Variants in PDE3A observed in about 807,000 individuals in gnomAD.
The protein encoded by PDE3A is phosphodiesterase 3A, also known as cGMP-inhibited 3',5'-cyclic phosphodiesterase 3A.
In PDE3A, 43 loss-of-function variants were observed where a neutral mutation model predicts 98.3. That is an observed-to-expected ratio of 0.44 (90% CI 0.34 to 0.56). The LOEUF (loss-of-function observed/expected upper bound fraction) is 0.56, where lower values mean the gene tolerates loss of function less well. PDE3A is among the 20% of genes least tolerant of loss of function. PDE3A has a pLI of 0.01. For missense variants in PDE3A, 1,427 were observed against 1,440.7 expected, an observed-to-expected ratio of 0.99 and a Z score of 0.15; for synonymous variants, 663 against 567.9, an observed-to-expected ratio of 1.17 and a Z score of -2.38.
At chr12:20,483,033 C>A (rs961285950) in intron 1 of PDE3A, among the ~76,000 whole-genome samples, 3 of 152,038 alleles carry the variant, frequency 2.0e-5, no homozygotes, top group African/African-American at 7.2e-5. Flanking sequence ...TTTTCCTAGA[C>A]ATCCTTTTTT....
chr12:20,592,361 C>T (rs577338983), intron 2 of PDE3A, among the ~76,000 whole-genome samples: 3 of 152,264 alleles, frequency 2.0e-5, no homozygotes, highest in African/African-American at 7.2e-5. Flanking sequence ...TATAAATTGT[C>T]ATCCTGCAGT....
rs538109945 is a variant in PDE3A, at chr12:20,410,890, T to C, written c.960+40646T>C. ...AAAATAAAAGCCAACATATTTCCTGTTCTGTCCACAGAGCCCTTATCTCTT... is the reference window on the plus strand; with the variant it reads ...AAAATAAAAGCCAACATATTTCCTGCTCTGTCCACAGAGCCCTTATCTCTT... On this transcript the variant is annotated intron_variant, in intron 1 of 15. Transcript: ENST00000359062. Among the ~76,000 whole-genome samples the C allele has an allele frequency of 2.6e-4, 40 of 152,330 alleles. No individual in the cohort carries two copies. The South Asian group carries it at 7.7e-3, about 29-fold the overall frequency.
intron 1 of PDE3A, among the ~76,000 whole-genome samples, chr12:20,443,324 G>A (rs1469808873): frequency 6.6e-6 from 1 of 152,024 alleles, no homozygotes; most frequent in Non-Finnish European, 1.5e-5. Context: ...TCCTAACTTG[G>A]ATATAGGAGC....
intron 1 of PDE3A, among the ~76,000 whole-genome samples, chr12:20,440,513 TACA>T (rs1299635090): frequency 6.6e-6 from 1 of 152,174 alleles, no homozygotes; most frequent in Non-Finnish European, 1.5e-5. Flanking sequence ...ATGATCAAAC[TACA>T]GGGGCCAAGT....
At chr12:20,527,769 C>G (rs928085230) in intron 1 of PDE3A, among the ~76,000 whole-genome samples, 3 of 152,176 alleles carry the variant, frequency 2.0e-5, no homozygotes, top group Non-Finnish European at 4.4e-5. Flanking sequence ...TATACTGGCA[C>G]TCTTTGATGT....
At chr12:20,410,230 C>T (rs1944308656) in intron 1 of PDE3A, among the ~76,000 whole-genome samples, 1 of 152,122 alleles carries the variant, frequency 6.6e-6, no homozygotes, top group South Asian at 2.1e-4. Context: ...TCAGGGAAGC[C>T]ACACTTGTTT....
rs144243379 is a variant in PDE3A at position 20,631,375 on chromosome 12, C to T, written c.1760+1248C>T. Among the ~76,000 whole-genome samples, 91 of 152,266 alleles carry T rather than the reference C, an allele frequency of 6.0e-4. No homozygotes were observed. In the East Asian group the frequency reaches 9.8e-3, roughly 16 times the overall value. ...CTCTGAGAAGCTCTGTTAAAAGAAT[C>T]CCTCTTTATTTATTTTTGTTGTTTC... On this transcript the variant is annotated intron_variant, in intron 6 of 15. Coordinates refer to ENST00000359062, the MANE Select transcript of PDE3A (RefSeq NM_000921.5).
chr12:20,409,854 C>G (rs985867572), intron 1 of PDE3A, among the ~76,000 whole-genome samples: 1 of 152,120 alleles, frequency 6.6e-6, no homozygotes, highest in East Asian at 1.9e-4. Context: ...TCAGCAAATT[C>G]CTTAGCTTTT....
intron 10 of PDE3A, among the ~76,000 whole-genome samples, chr12:20,643,966 A>G (rs1309735310): frequency 6.6e-6 from 1 of 152,046 alleles, no homozygotes; most frequent in Non-Finnish European, 1.5e-5. Context: ...TCAATTCCTT[A>G]CCCCAAACAG....
At chr12:20,560,651 A>C (rs746289015) in intron 2 of PDE3A, among the ~76,000 whole-genome samples, 19 of 152,106 alleles carry the variant, frequency 1.2e-4, no homozygotes, top group Non-Finnish European at 2.5e-4. Context: ...TTACTTACTT[A>C]TTTGTTTATT....
At chr12:20,468,859 C>T (rs1945388687) in intron 1 of PDE3A, among the ~76,000 whole-genome samples, 1 of 152,162 alleles carries the variant, frequency 6.6e-6, no homozygotes, top group Non-Finnish European at 1.5e-5. Flanking sequence ...AATATATTTT[C>T]TGGCAGGAGT....
intron 9 of PDE3A, among the ~76,000 whole-genome samples, chr12:20,638,990 G>A (rs888227913): frequency 1.3e-5 from 2 of 151,942 alleles, no homozygotes; most frequent in Admixed American, 6.6e-5. Flanking sequence ...AGAAGCCTAG[G>A]GCTTTTACAT....
Position 20,613,667 on chromosome 12 carries a change from G to A in PDE3A, c.1236G>A (p.Glu412=). The A allele has an allele frequency of 6.2e-7, 1 of 1,613,970 alleles. No homozygotes were observed. Residue 412 remains glutamate, a synonymous_variant, in exon 3 of 16, where the codon GAG becomes GAA. Transcript: ENST00000359062. ...ACTATACCTGTTCTGACTCTGAAGA[G>A]AGCTCTGAAAAAGACAAGCTTGCTA... ...SENYTCSDSE[E]SSEKDKLAIP...
intron 1 of PDE3A, chr12:20,551,527 G>C: frequency 8.5e-7 from 1 of 1,175,686 alleles, no homozygotes; most frequent in Non-Finnish European, 1.2e-6. Context: ...TTCCGATAAC[G>C]AACGAGACTC....
At chr12:20,588,947 G>A (rs895520828) in intron 2 of PDE3A, among the ~76,000 whole-genome samples, 3 of 152,084 alleles carry the variant, frequency 2.0e-5, no homozygotes, top group South Asian at 2.1e-4. Flanking sequence ...TTTTGAGACG[G>A]GGTCTCGCTC....
chr12:20,668,157 G>T (rs1380007128), intron 15 of PDE3A, among the ~76,000 whole-genome samples: 1 of 152,178 alleles, frequency 6.6e-6, no homozygotes, highest in Non-Finnish European at 1.5e-5. Flanking sequence ...AAAAAACGGC[G>T]CACCATGAGA....
intron 1 of PDE3A, 156 bp downstream of exon 1, chr12:20,370,400 G>A (rs200079602): frequency 4.7e-5 from 17 of 359,858 alleles, no homozygotes; most frequent in Non-Finnish European, 7.8e-5. Flanking sequence ...TTTTTTTTTT[G>A]TTTTTTTTGT....
At chr12:20,580,388 T>C (rs1943036091) in intron 2 of PDE3A, among the ~76,000 whole-genome samples, 2 of 152,098 alleles carry the variant, frequency 1.3e-5, no homozygotes. Context: ...TAGATGGAAG[T>C]TGAAGAGGAG....
At chr12:20,373,532 A>G (rs1002419241) in intron 1 of PDE3A, among the ~76,000 whole-genome samples, 1 of 152,154 alleles carries the variant, frequency 6.6e-6, no homozygotes, top group Admixed American at 6.5e-5. Flanking sequence ...ATAAAGAACT[A>G]TAATTGGCTG....
Sources: allele counts gnomAD v4.1 joint callset (sites outside exome capture counted in the v4.1 genomes callset), GRCh38; gene constraint gnomAD v4.1.1; transcripts MANE v1.5; gene names NCBI Gene and HGNC (gene_info 2026-07-23, HGNC 2026-07-21).